ESRRG: variants seen among roughly 807,000 people sequenced by gnomAD.
ESRRG encodes the protein estrogen-related receptor gamma.
A neutral mutation model predicts 44.0 loss-of-function variants in ESRRG; 13 were observed. The ratio of observed to expected loss-of-function variants is 0.30; its 90% CI spans 0.19 to 0.47. The LOEUF is 0.47. Ranked by LOEUF, ESRRG falls within the 20% of genes least tolerant of loss-of-function variation. ESRRG has a pLI of 1.00. For synonymous variants in ESRRG, 215 were observed against 214.6 expected (o/e 1.00, Z -0.02); for missense variants, 395 against 580.6 (o/e 0.68, Z 3.29).
At chr1:217,090,412 C>A (rs903319530), upstream of ESRRG, 3 of 152,110 alleles carry the variant, frequency 2.0e-5, no homozygotes, top group African/African-American at 7.2e-5. Flanking sequence ...CCTGAAAAAC[C>A]ATTTTCCCTT....
At chr1:217,117,661 A>G (rs554836483) in intron 1 of ESRRG, among the ~76,000 whole-genome samples, 75 of 152,186 alleles carry the variant, frequency 4.9e-4, no homozygotes, top group Non-Finnish European at 8.5e-4. Context: ...TTATGGAATA[A>G]TAAGCACTCA....
chr1:216,878,670 A>T (rs2096395321), intron 2 of ESRRG, among the ~76,000 whole-genome samples: 1 of 152,032 alleles, frequency 6.6e-6, no homozygotes, highest in Non-Finnish European at 1.5e-5. Flanking sequence ...TTCCCCGTTA[A>T]TTTTTTGGTG....
intron 2 of ESRRG, among the ~76,000 whole-genome samples, chr1:216,740,155 A>G (rs1435698673): frequency 2.0e-5 from 3 of 152,192 alleles, no homozygotes; most frequent in African/African-American, 7.2e-5. Context: ...TTGAATGAAT[A>G]CCAATTTTGT....
At chr1:216,705,912 G>T (rs890568784) in intron 1 of ESRRG, among the ~76,000 whole-genome samples, 2 of 152,198 alleles carry the variant, frequency 1.3e-5, no homozygotes, top group Non-Finnish European at 2.9e-5. Flanking sequence ...GGCATGGACT[G>T]CCTTTTCCTT....
chr1:216,590,091 C>G (rs1573661755), intron 3 of ESRRG, among the ~76,000 whole-genome samples: 1 of 151,792 alleles, frequency 6.6e-6, no homozygotes, highest in African/African-American at 2.4e-5. Flanking sequence ...CAAGATGTTT[C>G]TTTTTCAATC....
rs142316042 is a variant in ESRRG, at chr1:217,064,378, T to A, written c.-106+25129A>T. On this transcript the variant is annotated intron_variant, in intron 1 of 7. Coordinates refer to the ESRRG transcript ENST00000359162. ...TGAAAAATATACACACACATATATA[T>A]AATTTGATTCATTTTATAACCACAG... Among the ~76,000 whole-genome samples, 96 of 152,246 alleles carry A rather than the reference T, an allele frequency of 6.3e-4. No individual in the cohort carries two copies. In the East Asian group the frequency reaches 0.016, roughly 25 times the overall value.
intron 2 of ESRRG, among the ~76,000 whole-genome samples, chr1:216,789,872 G>A (rs576220553): frequency 9.9e-5 from 15 of 152,218 alleles, no homozygotes; most frequent in East Asian, 5.8e-4. Context: ...ACTGCTACTC[G>A]TCCATCAAAA....
intron 2 of ESRRG, among the ~76,000 whole-genome samples, chr1:216,891,046 GA>G (rs2057721964): frequency 6.6e-6 from 1 of 152,094 alleles, no homozygotes; most frequent in African/African-American, 2.4e-5. Flanking sequence ...TGGATTTCAA[GA>G]AAAAACATAT....
At chr1:216,639,890 C>T (rs532742119) in intron 3 of ESRRG, among the ~76,000 whole-genome samples, 6 of 152,172 alleles carry the variant, frequency 3.9e-5, no homozygotes, top group Non-Finnish European at 5.9e-5. Context: ...ACAGTTGGGG[C>T]TTTTAAAATA....
intron 2 of ESRRG, among the ~76,000 whole-genome samples, chr1:216,907,263 C>CA (rs2059789606): frequency 6.6e-6 from 1 of 152,114 alleles, no homozygotes; most frequent in African/African-American, 2.4e-5. Context: ...TGACAGGAGA[C>CA]AAAAAACCAA....
At chr1:217,026,144 C>A (rs891539919) in intron 1 of ESRRG, among the ~76,000 whole-genome samples, 1 of 152,166 alleles carries the variant, frequency 6.6e-6, no homozygotes, top group South Asian at 2.1e-4. Context: ...CAACTTTCTG[C>A]AACTCGTGAT....
intron 1 of ESRRG, among the ~76,000 whole-genome samples, chr1:217,087,715 G>C (rs552476965): frequency 1.3e-5 from 2 of 152,132 alleles, no homozygotes; most frequent in African/African-American, 2.4e-5. Flanking sequence ...TACCATTCTC[G>C]ATATACACAC....
chr1:216,786,125 A>T (rs1402441474), intron 2 of ESRRG, among the ~76,000 whole-genome samples: 1 of 152,062 alleles, frequency 6.6e-6, no homozygotes, highest in Non-Finnish European at 1.5e-5. Context: ...ACTGCTGTTC[A>T]CAGTTTTTAA....
rs1257525765 is a variant in ESRRG, at chr1:216,560,007, G to C, written c.862+4212C>G. On this transcript the variant is annotated intron_variant, in intron 5 of 6. Transcript: ENST00000408911. Reference sequence around the variant, plus strand: ...GAAAACTATAAAAAGCTAAGTCAATGAGCAATTTTTGATATGTTCTCCTAA... The same window carrying C: ...GAAAACTATAAAAAGCTAAGTCAATCAGCAATTTTTGATATGTTCTCCTAA... 2.0e-5 allele frequency among the ~76,000 whole-genome samples: 3 copies of C among 152,060 alleles called. No individual in the cohort carries two copies. In the South Asian group the frequency reaches 6.2e-4, roughly 31 times the overall value.
chr1:216,750,561 T>C (rs1334776426), intron 2 of ESRRG, among the ~76,000 whole-genome samples: 1 of 152,124 alleles, frequency 6.6e-6, no homozygotes, highest in Non-Finnish European at 1.5e-5. Context: ...CATTCAGAGA[T>C]GATGCTACTT....
intron 3 of ESRRG, among the ~76,000 whole-genome samples, chr1:216,612,645 T>A (rs2060833518): frequency 6.6e-6 from 1 of 152,162 alleles, no homozygotes; most frequent in Non-Finnish European, 1.5e-5. Context: ...GCTTTCCCAT[T>A]TCACTCATAG....
intron 2 of ESRRG, among the ~76,000 whole-genome samples, chr1:216,832,705 G>A (rs1411184102): frequency 1.3e-5 from 2 of 152,040 alleles, no homozygotes; most frequent in African/African-American, 2.4e-5. Flanking sequence ...GGCTCATGCC[G>A]GTAATACTAA....
intron 1 of ESRRG, among the ~76,000 whole-genome samples, chr1:217,108,758 T>C (rs1449744059): frequency 1.3e-5 from 2 of 151,998 alleles, no homozygotes; most frequent in Admixed American, 1.3e-4. Context: ...GCCAAGCAGA[T>C]AGCCAGCACC....
chr1:216,720,785 A>G (rs1367838798), intron 1 of ESRRG, among the ~76,000 whole-genome samples: 1 of 152,188 alleles, frequency 6.6e-6, no homozygotes, highest in African/African-American at 2.4e-5. Context: ...ATCTTAAAAC[A>G]CGAAACTTAA....
Sources: allele counts gnomAD v4.1 joint callset (sites outside exome capture counted in the v4.1 genomes callset), GRCh38; gene constraint gnomAD v4.1.1; transcripts MANE v1.5; gene names NCBI Gene and HGNC (gene_info 2026-07-23, HGNC 2026-07-21).